The following ANKMY2 variants were observed in gnomAD, a reference collection of about 807,000 sequenced individuals.
ANKMY2 encodes the protein ankyrin repeat and MYND domain containing 2, also known as ankyrin repeat and MYND domain-containing protein 2.
ANKMY2 carries 36 observed loss-of-function variants against 50.4 expected under a neutral mutation model. The observed-to-expected ratio is 0.71, with a 90% CI of 0.55 to 0.94. The LOEUF is 0.94. Among genes scored for constraint, ANKMY2 ranks in the 40% least tolerant of loss-of-function variants. ANKMY2 has a pLI of 0.00. For missense variants in ANKMY2, 565 were observed against 524.0 expected (o/e 1.08, Z -0.76); for synonymous variants, 187 against 178.8 (o/e 1.05, Z -0.36).
intron 2 of ANKMY2, among the ~76,000 whole-genome samples, chr7:16,628,000 G>A (rs1219795655): frequency 2.6e-5 from 4 of 152,184 alleles, no homozygotes; most frequent in Non-Finnish European, 5.9e-5. Flanking sequence ...TGGAAAAATG[G>A]TTGGTAGTAT....
At chr7:16,603,975 A>C (rs1472602794) in intron 8 of ANKMY2, among the ~76,000 whole-genome samples, 1 of 152,232 alleles carries the variant, frequency 6.6e-6, no homozygotes, top group Non-Finnish European at 1.5e-5. Context: ...AACCAATATA[A>C]ATAGTTTGAT....
chr7:16,629,481 A>C (rs1781548750), intron 2 of ANKMY2, among the ~76,000 whole-genome samples: 1 of 152,096 alleles, frequency 6.6e-6, no homozygotes, highest in Admixed American at 6.6e-5. Context: ...GGTTGCAGTG[A>C]GCCGAGATGG....
chr7:16,630,355 A>G (rs1278955549), intron 2 of ANKMY2, among the ~76,000 whole-genome samples: 1 of 152,204 alleles, frequency 6.6e-6, no homozygotes, highest in African/African-American at 2.4e-5. Context: ...CTTAGACTCA[A>G]TGATATGCAA....
intron 7 of ANKMY2, among the ~76,000 whole-genome samples, chr7:16,605,778 C>G (rs948444923): frequency 7.5e-5 from 11 of 145,906 alleles, no homozygotes; most frequent in African/African-American, 2.8e-4. Flanking sequence ...TGCTTCCTGG[C>G]TTCATGCCAT....
chr7:16,641,141 G>A (rs1781739527), intron 1 of ANKMY2, among the ~76,000 whole-genome samples: 1 of 152,166 alleles, frequency 6.6e-6, no homozygotes. Flanking sequence ...GGCTGAGGCA[G>A]GAGAATTGCT....
chr7:16,606,553 T>C (rs1042470825), intron 7 of ANKMY2, among the ~76,000 whole-genome samples: 1 of 152,268 alleles, frequency 6.6e-6, no homozygotes, highest in Non-Finnish European at 1.5e-5. Context: ...TTCTTTGTTC[T>C]GAGTTTTTCA....
At chr7:16,626,429 G>A (rs1209483325) in intron 3 of ANKMY2, among the ~76,000 whole-genome samples, 2 of 152,006 alleles carry the variant, frequency 1.3e-5, no homozygotes. Context: ...GGATTCTGTG[G>A]TTTATATAAT....
chr7:16,608,514 C>A (rs111510144), intron 7 of ANKMY2, among the ~76,000 whole-genome samples: 28 of 152,054 alleles, frequency 1.8e-4, no homozygotes, highest in African/African-American at 6.0e-4. Context: ...ATGTTCCACA[C>A]TGAGAATGAC....
intron 2 of ANKMY2, among the ~76,000 whole-genome samples, chr7:16,632,567 T>A (rs899100911): frequency 2.6e-5 from 4 of 152,236 alleles, no homozygotes; most frequent in African/African-American, 9.6e-5. Context: ...TTGATGCATG[T>A]TGTAGCAAGT....
intron 7 of ANKMY2, among the ~76,000 whole-genome samples, chr7:16,608,312 C>T (rs1360106989): frequency 6.6e-6 from 1 of 152,116 alleles, no homozygotes; most frequent in Admixed American, 6.5e-5. Flanking sequence ...AGCATAAACA[C>T]TAAATAGCCA....
intron 8 of ANKMY2, among the ~76,000 whole-genome samples, chr7:16,604,013 G>T (rs376636838): frequency 5.8e-4 from 88 of 152,294 alleles, no homozygotes; most frequent in African/African-American, 2.0e-3. Context: ...TTTAATTCAG[G>T]AAACAGGTTC....
intron 1 of ANKMY2, chr7:16,644,516 A>T (rs1359528564): frequency 6.2e-6 from 2 of 323,310 alleles, no homozygotes; most frequent in East Asian, 2.2e-4. Flanking sequence ...ATAAAACTGG[A>T]AACTGGGAAG....
chr7:16,643,912 C>A (rs879639742), intron 1 of ANKMY2, among the ~76,000 whole-genome samples: 75 of 149,118 alleles, frequency 5.0e-4, no homozygotes, highest in Non-Finnish European at 9.7e-4. Context: ...TGGTGGCTCG[C>A]ACCTGTAGTC....
intron 1 of ANKMY2, among the ~76,000 whole-genome samples, chr7:16,640,546 G>A (rs1452580805): frequency 3.3e-5 from 5 of 151,992 alleles, no homozygotes; most frequent in African/African-American, 1.2e-4. Context: ...TATAGATACA[G>A]GGCCTTCCTC....
At chr7:16,638,391 T>G (rs2128346630) in intron 1 of ANKMY2, among the ~76,000 whole-genome samples, 1 of 152,268 alleles carries the variant, frequency 6.6e-6, no homozygotes, top group East Asian at 1.9e-4. Context: ...GAAACACTAC[T>G]TACATTTACC....
intron 8 of ANKMY2, among the ~76,000 whole-genome samples, chr7:16,604,374 T>A (rs1040246594): frequency 6.6e-6 from 1 of 152,260 alleles, no homozygotes; most frequent in Admixed American, 6.5e-5. Flanking sequence ...ATTTATGAAC[T>A]GTCCTATTCT....
chr7:16,626,583 C>T (rs1781509688), intron 3 of ANKMY2, among the ~76,000 whole-genome samples: 1 of 152,124 alleles, frequency 6.6e-6, no homozygotes, highest in African/African-American at 2.4e-5. Flanking sequence ...TCTAAATTGT[C>T]CTTATTCAGC....
intron 5 of ANKMY2, among the ~76,000 whole-genome samples, chr7:16,614,615 A>G (rs1482273970): frequency 6.6e-6 from 1 of 152,224 alleles, no homozygotes; most frequent in Admixed American, 6.5e-5. Context: ...TTTGGATCTT[A>G]TATCTTTGAG....
intron 7 of ANKMY2, among the ~76,000 whole-genome samples, 177 bp from the exon 8 acceptor site, chr7:16,605,026 C>T (rs1419854034): frequency 1.3e-5 from 2 of 152,022 alleles, no homozygotes; most frequent in African/African-American, 4.8e-5. Context: ...TAGAATATAC[C>T]ATTTTCTGTA....
Sources: gnomAD v4.1 joint callset for allele counts (sites outside exome capture counted in the v4.1 genomes callset) on GRCh38, gnomAD v4.1.1 for gene constraint, MANE v1.5 for transcripts, NCBI Gene and HGNC (gene_info 2026-07-23, HGNC 2026-07-21) for gene names.